Variants in ERG observed in about 807,000 individuals in gnomAD.
ERG encodes the protein transcriptional regulator ERG.
ERG carries 9 observed loss-of-function variants against 55.3 expected under a neutral mutation model. That is an observed-to-expected ratio of 0.16 (90% CI 0.10 to 0.28). The LOEUF (loss-of-function observed/expected upper bound fraction) is 0.28. Among genes scored for constraint, ERG ranks in the 10% least tolerant of loss-of-function variants. The probability of loss-of-function intolerance (pLI) is 1.00; values close to 1 mark genes in which losing one functional copy is unlikely to be tolerated. For missense variants in ERG, 434 were observed against 631.6 expected (o/e 0.69, Z 3.35); for synonymous variants, 223 against 237.3 (o/e 0.94, Z 0.55).
chr21:38,393,690 T>C (rs936635710), intron 6 of ERG, among the ~76,000 whole-genome samples: 5 of 152,212 alleles, frequency 3.3e-5, no homozygotes, highest in African/African-American at 4.8e-5. Flanking sequence ...CCTATTTTCA[T>C]ATCCCAAAGA....
chr21:38,553,347 C>A (rs1363496899), intron 2 of ERG, among the ~76,000 whole-genome samples: 1 of 152,110 alleles, frequency 6.6e-6, no homozygotes, highest in African/African-American at 2.4e-5. Context: ...TTTGGAAATT[C>A]ATATGGAACC....
chr21:38,591,805 T>C, intron 1 of ERG, among the ~76,000 whole-genome samples: 1 of 152,240 alleles, frequency 6.6e-6, no homozygotes. Flanking sequence ...CTTCAGAAAT[T>C]ACTAGTAGCT....
At chr21:38,649,874 T>C (rs1437394641) in intron 1 of ERG, among the ~76,000 whole-genome samples, 1 of 152,228 alleles carries the variant, frequency 6.6e-6, no homozygotes, top group African/African-American at 2.4e-5. Context: ...GACCCTACAA[T>C]GAAGCATCGC....
At chr21:38,620,857 T>C (rs548023581) in intron 1 of ERG, among the ~76,000 whole-genome samples, 1 of 152,342 alleles carries the variant, frequency 6.6e-6, no homozygotes, top group East Asian at 1.9e-4. Context: ...TCTTGGAAAG[T>C]AGAATCTGTT....
chr21:38,525,960 A>AAT (rs1568883172), intron 2 of ERG, among the ~76,000 whole-genome samples: 1 of 152,176 alleles, frequency 6.6e-6, no homozygotes, highest in Non-Finnish European at 1.5e-5. Context: ...CGTTTAAAAA[A>AAT]AATAATAATA....
At chr21:38,592,992 G>A (rs976579339) in intron 1 of ERG, among the ~76,000 whole-genome samples, 2 of 152,186 alleles carry the variant, frequency 1.3e-5, no homozygotes, top group African/African-American at 4.8e-5. Context: ...AATAAACACA[G>A]GTATTAATGT....
intron 1 of ERG, among the ~76,000 whole-genome samples, chr21:38,596,338 A>C (rs777221490): frequency 6.6e-6 from 1 of 152,236 alleles, no homozygotes; most frequent in Non-Finnish European, 1.5e-5. Context: ...ACACAAATTC[A>C]AACTCGGAAT....
chr21:38,418,710 T>C (rs747455952), intron 3 of ERG, among the ~76,000 whole-genome samples: 15 of 151,722 alleles, frequency 9.9e-5, no homozygotes, highest in Non-Finnish European at 2.1e-4. Flanking sequence ...GCGGATCACC[T>C]GAGGTCAGGA....
At chr21:38,646,142 A>T (rs2060454960) in intron 1 of ERG, among the ~76,000 whole-genome samples, 1 of 152,078 alleles carries the variant, frequency 6.6e-6, no homozygotes, top group Admixed American at 6.6e-5. Context: ...TCAGCTGGGT[A>T]TGGTGAAATG....
upstream of ERG, among the ~76,000 whole-genome samples, chr21:38,587,360 CTT>C (rs11312805): frequency 1.5e-3 from 201 of 132,346 alleles, no homozygotes; most frequent in East Asian, 1.3e-3. Flanking sequence ...CTGTGCAAAT[CTT>C]TTTTTTTTTT....
At chr21:38,474,640 A>C (rs1473468898) in intron 1 of ERG, among the ~76,000 whole-genome samples, 1 of 152,182 alleles carries the variant, frequency 6.6e-6, no homozygotes. Flanking sequence ...TGAAAGGGTC[A>C]CCAAAAAGTC....
At chr21:38,654,853 C>G (rs2060509508) in intron 1 of ERG, among the ~76,000 whole-genome samples, 1 of 152,178 alleles carries the variant, frequency 6.6e-6, no homozygotes, top group South Asian at 2.1e-4. Flanking sequence ...ATTATAGACC[C>G]AGATTTGTAA....
At chr21:38,639,773 G>A (rs934588323) in intron 1 of ERG, among the ~76,000 whole-genome samples, 12 of 152,294 alleles carry the variant, frequency 7.9e-5, no homozygotes, top group African/African-American at 2.2e-4. Context: ...TTTCCAAATC[G>A]TGAGGGAAAT....
At chr21:38,486,050 C>CA (rs1386790494) in intron 1 of ERG, among the ~76,000 whole-genome samples, 1 of 152,018 alleles carries the variant, frequency 6.6e-6, no homozygotes, top group Non-Finnish European at 1.5e-5. Context: ...TCTCCTGCCT[C>CA]AGCCTCCTGA....
chr21:38,421,657 T>C (rs1351339540), intron 3 of ERG, among the ~76,000 whole-genome samples: 1 of 152,112 alleles, frequency 6.6e-6, no homozygotes, highest in Admixed American at 6.5e-5. Context: ...TGCATGCCCT[T>C]GGCTACTTTG....
chr21:38,507,058 G>C (rs1015022), intron 2 of ERG, among the ~76,000 whole-genome samples: 40,311 of 151,888 alleles, frequency 0.27, 6,333 homozygotes, highest in South Asian at 0.36. Flanking sequence ...CAGCTTCGCT[G>C]GGGTGCAACT....
intron 1 of ERG, among the ~76,000 whole-genome samples, chr21:38,600,191 C>G (rs1299285908): frequency 6.6e-6 from 1 of 152,198 alleles, no homozygotes. Flanking sequence ...CCAACCCCGC[C>G]CCGGCTTTGG....
At chr21:38,586,230 T>C (rs939714750), upstream of ERG, among the ~76,000 whole-genome samples, 2 of 80,594 alleles carry the variant, frequency 2.5e-5, no homozygotes, top group African/African-American at 5.1e-5. Context: ...TATATATATA[T>C]ATATACATGT....
chr21:38,367,399 T>C, the ERG span, among the ~76,000 whole-genome samples: 1 of 152,172 alleles, frequency 6.6e-6, no homozygotes, highest in Non-Finnish European at 1.5e-5. Flanking sequence ...TCAGTTAAGA[T>C]GTTGACCAAG....
Sources: allele counts gnomAD v4.1 joint callset (sites outside exome capture counted in the v4.1 genomes callset), GRCh38; gene constraint gnomAD v4.1.1; transcripts MANE v1.5; gene names NCBI Gene and HGNC (gene_info 2026-07-23, HGNC 2026-07-21).